The following TNIP3 variants were observed in gnomAD, a reference collection of about 807,000 sequenced individuals.
The protein encoded by TNIP3 is TNFAIP3 interacting protein 3.
Under a neutral mutation model 54.1 loss-of-function variants are expected in TNIP3, and 34 were observed. The ratio of observed to expected loss-of-function variants is 0.63; its 90% CI spans 0.48 to 0.84. TNIP3 has a LOEUF of 0.84. Ranked by LOEUF, TNIP3 falls within the 40% of genes least tolerant of loss-of-function variation. TNIP3 has a pLI of 0.00. For missense variants in TNIP3, 366 were observed against 387.6 expected, an observed-to-expected ratio of 0.94 and a Z score of 0.47; for synonymous variants, 134 against 136.8, an observed-to-expected ratio of 0.98 and a Z score of 0.14.
At chr4:121,148,069 C>T (rs1023292081) in intron 6 of TNIP3, among the ~76,000 whole-genome samples, 10 of 152,212 alleles carry the variant, frequency 6.6e-5, no homozygotes, top group Non-Finnish European at 1.5e-4. Context: ...AACTGACATT[C>T]ATTTCCAGAG....
At chr4:121,205,568 A>G (rs1726135445) in intron 2 of TNIP3, among the ~76,000 whole-genome samples, 1 of 152,238 alleles carries the variant, frequency 6.6e-6, no homozygotes, top group South Asian at 2.1e-4. Flanking sequence ...GCATATGTAA[A>G]GGTACTGAGA....
In TNIP3 at chr4:121,132,010, C is replaced by T. The variant is rs1728501064; in HGVS notation, c.*621G>A. 2 of 152,284 alleles carry T rather than the reference C, an allele frequency of 1.3e-5. No homozygotes were observed. Among genetic ancestry groups the T allele is most frequent in the Admixed American group, 6.5e-5 (1 of 15,268 alleles). 9.4% of individuals were successfully genotyped at this position (152,284 alleles called of 1,614,324 possible). On this transcript the variant is annotated 3_prime_UTR_variant, in exon 11 of 11. Transcript: ENST00000057513. ...TCATCATCTTAAAGAAATGATCTGT[C>T]TAAGGAATAGCTTCCAATTAACCAT...
At chr4:121,190,933 C>T (rs1243200492) in intron 2 of TNIP3, among the ~76,000 whole-genome samples, 1 of 152,074 alleles carries the variant, frequency 6.6e-6, no homozygotes, top group Non-Finnish European at 1.5e-5. Context: ...AAGGACAAAA[C>T]CAAGAAGAGG....
At chr4:121,147,016 T>C in intron 7 of TNIP3, 33 bp downstream of exon 7, 2 of 1,585,484 alleles carry the variant, frequency 1.3e-6, no homozygotes, top group Non-Finnish European at 1.7e-6. Flanking sequence ...TATACATACA[T>C]GCTGGCAAAG....
At chr4:121,144,218 A>G (rs1729295203) in intron 7 of TNIP3, among the ~76,000 whole-genome samples, 1 of 152,204 alleles carries the variant, frequency 6.6e-6, no homozygotes, top group Admixed American at 6.5e-5. Context: ...CACAGCATAT[A>G]GCAGAATGCC....
chr4:121,158,539 A>G (rs1207714116), intron 3 of TNIP3, 148 bp downstream of exon 3: 2 of 699,172 alleles, frequency 2.9e-6, no homozygotes, highest in Admixed American at 2.7e-5. Context: ...CATGAGACCA[A>G]TACTACACTT....
At chr4:121,141,298 C>T (rs1320602652) in intron 9 of TNIP3, among the ~76,000 whole-genome samples, 1 of 152,188 alleles carries the variant, frequency 6.6e-6, no homozygotes, top group East Asian at 1.9e-4. Context: ...CTCTGCATTT[C>T]ATTTTGTCTG....
At chr4:121,204,818 A>G (rs139359107) in intron 2 of TNIP3, among the ~76,000 whole-genome samples, 2 of 152,284 alleles carry the variant, frequency 1.3e-5, no homozygotes, top group East Asian at 3.9e-4. Flanking sequence ...TTTCATTTCT[A>G]TCAGCTATGT....
At position 121,174,615 on chromosome 4, in the gene TNIP3, C is replaced by T. The variant is rs76868523; in HGVS notation, c.189+8061G>A. Among the ~76,000 whole-genome samples the T allele has an allele frequency of 1.0e-3, 155 of 151,694 alleles. 1 individual carries two copies. The highest frequency in any genetic ancestry group is 6.6e-3 in the East Asian group (34 of 5,150). ...AAAAAATTGCAAACATTTGCTAAGT[C>T]GGTTTTAATGACAAACGTTTATTTT... On this transcript the variant is annotated intron_variant, in intron 3 of 12. Coordinates refer to the TNIP3 transcript ENST00000507879.
At chr4:121,197,768 G>T (rs1725677004) in intron 2 of TNIP3, among the ~76,000 whole-genome samples, 1 of 152,040 alleles carries the variant, frequency 6.6e-6, no homozygotes. Context: ...AAATACATTA[G>T]CCACCATGAA....
chr4:121,180,126 C>T (rs1366738862), intron 3 of TNIP3, among the ~76,000 whole-genome samples: 2 of 152,018 alleles, frequency 1.3e-5, no homozygotes, highest in Non-Finnish European at 2.9e-5. Context: ...TCGGGCTGGG[C>T]GCGGTGGCTC....
At chr4:121,138,487 A>G (rs921990643) in intron 10 of TNIP3, 137 bp downstream of exon 10, 1 of 772,318 alleles carries the variant, frequency 1.3e-6, no homozygotes, top group African/African-American at 1.8e-5. Context: ...AGGTGCATCA[A>G]ATTAAAGTTA....
chr4:121,185,789 G>A (rs1304852433), intron 2 of TNIP3, among the ~76,000 whole-genome samples: 2 of 152,212 alleles, frequency 1.3e-5, no homozygotes, highest in African/African-American at 4.8e-5. Flanking sequence ...AGCTGGTATT[G>A]CCCTCATGGC....
chr4:121,138,089 C>A (rs1230380429), intron 10 of TNIP3: 1 of 415,338 alleles, frequency 2.4e-6, no homozygotes, highest in Admixed American at 2.7e-5. Context: ...GTGAGTACTT[C>A]ATAAGTGACT....
At chr4:121,177,970 G>T (rs993109876) in intron 3 of TNIP3, among the ~76,000 whole-genome samples, 2 of 152,168 alleles carry the variant, frequency 1.3e-5, no homozygotes. Context: ...TGTTCTAGGA[G>T]AATTTACCCG....
At chr4:121,162,137 A>G (rs374816602) in intron 1 of TNIP3, among the ~76,000 whole-genome samples, 1 of 152,312 alleles carries the variant, frequency 6.6e-6, no homozygotes, top group African/African-American at 2.4e-5. Context: ...TTTTCAAAAC[A>G]TGTTGTTGGT....
intron 6 of TNIP3, among the ~76,000 whole-genome samples, chr4:121,147,580 T>C (rs542041558): frequency 6.6e-6 from 1 of 152,334 alleles, no homozygotes; most frequent in Admixed American, 6.5e-5. Flanking sequence ...AATATTTGAG[T>C]GGAACACCTC....
chr4:121,195,860 G>A (rs1007142660), intron 2 of TNIP3, among the ~76,000 whole-genome samples: 4 of 152,214 alleles, frequency 2.6e-5, no homozygotes, highest in Non-Finnish European at 5.9e-5. Flanking sequence ...GGAGTGAAGT[G>A]AACTGGTTTT....
At position 121,216,338 on chromosome 4, in the gene TNIP3, C is replaced by T. The variant is rs527631857; in HGVS notation, c.68+77G>A. On this transcript the variant is annotated intron_variant, in intron 2 of 12. Transcript: ENST00000507879. ...TTCTCTTCTACTCTTAATACACTAT[C>T]ATTGCCACAAAGCAGAAGTGCTCTA... The T allele has an allele frequency of 4.0e-6, 5 of 1,245,274 alleles. No individual in the cohort carries two copies. The African/African-American group carries it at 7.5e-5, about 19-fold the overall frequency. 77.1% of individuals were successfully genotyped at this position (1,245,274 alleles called of 1,614,324 possible).
Sources: gnomAD v4.1 joint callset for allele counts (sites outside exome capture counted in the v4.1 genomes callset) on GRCh38, gnomAD v4.1.1 for gene constraint, MANE v1.5 for transcripts, NCBI Gene and HGNC (gene_info 2026-07-23, HGNC 2026-07-21) for gene names.